Variants in ZNF827 observed in about 807,000 individuals in gnomAD.
ZNF827 encodes zinc finger protein 827.
In ZNF827, 13 loss-of-function variants were observed where a neutral mutation model predicts 102.4. That is an observed-to-expected ratio of 0.13 (90% CI 0.08 to 0.20). The LOEUF is 0.20. ZNF827 is among the 10% of genes least tolerant of loss of function. The probability of loss-of-function intolerance (pLI) is 1.00; values close to 1 mark genes in which losing one functional copy is unlikely to be tolerated. For missense variants in ZNF827, 1,103 were observed against 1,344.4 expected, an observed-to-expected ratio of 0.82 and a Z score of 2.81; for synonymous variants, 523 against 536.2, an observed-to-expected ratio of 0.98 and a Z score of 0.34.
At chr4:145,915,554 C>A (rs1752608657) in intron 1 of ZNF827, among the ~76,000 whole-genome samples, 1 of 152,158 alleles carries the variant, frequency 6.6e-6, no homozygotes, top group East Asian at 1.9e-4. Flanking sequence ...AAAGGTTCCA[C>A]CTCTCAATAC....
intron 1 of ZNF827, among the ~76,000 whole-genome samples, chr4:145,927,378 G>T (rs1753499664): frequency 6.6e-6 from 1 of 152,166 alleles, no homozygotes; most frequent in Admixed American, 6.5e-5. Context: ...TTAAAATTCA[G>T]CTTGAAAAGT....
chr4:145,852,026 T>C (rs949807573), intron 5 of ZNF827, among the ~76,000 whole-genome samples: 3 of 152,154 alleles, frequency 2.0e-5, no homozygotes, highest in Non-Finnish European at 2.9e-5. Flanking sequence ...AAGTACCTAA[T>C]ATTTGGAAAA....
At chr4:145,856,682 TACACACACACACACAC>T (rs58347486) in intron 5 of ZNF827, among the ~76,000 whole-genome samples, 1,650 of 141,880 alleles carry the variant, frequency 0.012, 22 homozygotes, top group African/African-American at 0.035. Context: ...AGTACACACA[TACACACACACACACAC>T]ACACACACAC....
chr4:145,839,151 T>C (rs1745171401), intron 7 of ZNF827: 1 of 152,252 alleles, frequency 6.6e-6, no homozygotes. Flanking sequence ...TATTTCAGAT[T>C]GTCTTACAGG....
chr4:145,785,131 A>G (rs1300544298), intron 8 of ZNF827, among the ~76,000 whole-genome samples: 1 of 152,204 alleles, frequency 6.6e-6, no homozygotes, highest in East Asian at 1.9e-4. Context: ...GTATGGCTAG[A>G]AAAGTAGGAA....
chr4:145,847,069 G>A (rs2126644234), intron 6 of ZNF827, among the ~76,000 whole-genome samples: 1 of 152,196 alleles, frequency 6.6e-6, no homozygotes, highest in South Asian at 2.1e-4. Context: ...CAGGAGAATT[G>A]CTTGAACCTA....
chr4:145,865,295 A>G (rs1002368295), intron 5 of ZNF827, among the ~76,000 whole-genome samples: 2 of 152,236 alleles, frequency 1.3e-5, no homozygotes, highest in Non-Finnish European at 2.9e-5. Flanking sequence ...ATCTTCACTG[A>G]AGAGAGATGG....
chr4:145,805,431 T>C (rs1232174263), intron 8 of ZNF827, among the ~76,000 whole-genome samples: 2 of 152,172 alleles, frequency 1.3e-5, no homozygotes, highest in Non-Finnish European at 2.9e-5. Context: ...TGTGATAACT[T>C]AATGAGAAAA....
chr4:145,860,831 T>A (rs1003488739), intron 5 of ZNF827, among the ~76,000 whole-genome samples: 1 of 152,208 alleles, frequency 6.6e-6, no homozygotes, highest in Non-Finnish European at 1.5e-5. Context: ...CACTTTTAAA[T>A]CATTTGTCTT....
intron 8 of ZNF827, among the ~76,000 whole-genome samples, chr4:145,811,160 TTTTG>T (rs1356537911): frequency 3.2e-4 from 48 of 152,068 alleles, no homozygotes; most frequent in African/African-American, 1.0e-3. Context: ...CCTGGCTAAT[TTTTG>T]TTTGTTTGTT....
intron 8 of ZNF827, among the ~76,000 whole-genome samples, chr4:145,812,205 C>G (rs939752500): frequency 6.6e-6 from 1 of 151,766 alleles, no homozygotes; most frequent in African/African-American, 2.4e-5. Context: ...GAATTACAGG[C>G]GTGAGCCACT....
Position 145,901,818 on chromosome 4 carries a change from T to G in ZNF827, c.1093+348A>C, listed in dbSNP as rs540419879. ...TTTCCCCTTATGTTCAGTGATGCCA[T>G]GCACTCCATGACAAAGATGCTTTGA... is the stretch of plus-strand genomic sequence containing the variant. On this transcript the variant is annotated intron_variant, in intron 2 of 14. Transcript: ENST00000508784. 2.0e-5 allele frequency among the ~76,000 whole-genome samples: 3 copies of G among 152,260 alleles called. No individual in the cohort carries two copies. The South Asian group carries it at 6.2e-4, about 32-fold the overall frequency.
intron 7 of ZNF827, chr4:145,839,445 T>C (rs1343521073): frequency 2.6e-5 from 4 of 152,266 alleles, no homozygotes; most frequent in Admixed American, 2.6e-4. Flanking sequence ...TTGAGCTTTC[T>C]GCTGAGGTGA....
chr4:145,827,507 G>A (rs17020641), intron 7 of ZNF827, among the ~76,000 whole-genome samples: 3,434 of 152,130 alleles, frequency 0.023, 124 homozygotes, highest in African/African-American at 0.077. Context: ...CTAAACATTC[G>A]CCACTGCTGT....
chr4:145,804,193 T>C (rs539972886), intron 8 of ZNF827, among the ~76,000 whole-genome samples: 1 of 152,278 alleles, frequency 6.6e-6, no homozygotes, highest in East Asian at 1.9e-4. Context: ...CTTGTAAAGG[T>C]TTCTCCTCTC....
chr4:145,846,815 T>TCAAA (rs796223016), intron 6 of ZNF827, among the ~76,000 whole-genome samples: 5 of 141,584 alleles, frequency 3.5e-5, no homozygotes, highest in South Asian at 2.3e-4. Flanking sequence ...AGACTCTGTC[T>TCAAA]CAAACAAACA....
At chr4:145,901,492 C>T (rs1751410934) in intron 2 of ZNF827, among the ~76,000 whole-genome samples, 1 of 152,194 alleles carries the variant, frequency 6.6e-6, no homozygotes, top group Admixed American at 6.5e-5. Flanking sequence ...TTCAAATTTT[C>T]CACATGCACA....
chr4:145,837,442 C>T (rs1445749118), intron 7 of ZNF827, among the ~76,000 whole-genome samples: 1 of 151,706 alleles, frequency 6.6e-6, no homozygotes, highest in Non-Finnish European at 1.5e-5. Context: ...AGTCTCATTC[C>T]AGACACCAGA....
intron 4 of ZNF827, among the ~76,000 whole-genome samples, chr4:145,884,350 G>A (rs1001652960): frequency 2.6e-5 from 4 of 152,124 alleles, no homozygotes; most frequent in Non-Finnish European, 4.4e-5. Flanking sequence ...CTTCAGAGTG[G>A]AGCTGAACCT....
Sources: gnomAD v4.1 joint callset for allele counts (sites outside exome capture counted in the v4.1 genomes callset) on GRCh38, gnomAD v4.1.1 for gene constraint, MANE v1.5 for transcripts, NCBI Gene and HGNC (gene_info 2026-07-23, HGNC 2026-07-21) for gene names.